ANKRD31: variants seen among roughly 807,000 people sequenced by gnomAD.
ANKRD31 encodes ankyrin repeat domain-containing protein 31.
ANKRD31 carries 147 observed loss-of-function variants against 186.0 expected under a neutral mutation model. That is an observed-to-expected ratio of 0.79 (90% confidence interval 0.69 to 0.91). ANKRD31 has a LOEUF of 0.91. ANKRD31 is among the 40% of genes least tolerant of loss of function. The pLI, the probability that ANKRD31 is intolerant of heterozygous loss-of-function variation, is 0.00. For missense variants in ANKRD31, 1,986 were observed against 2,148.8 expected (o/e 0.92, Z 1.50); for synonymous variants, 673 against 736.4 (o/e 0.91, Z 1.39).
At chr5:75,162,821 T>A (rs569488341) in intron 11 of ANKRD31, among the ~76,000 whole-genome samples, 5 of 152,322 alleles carry the variant, frequency 3.3e-5, no homozygotes, top group East Asian at 3.9e-4. Flanking sequence ...TCATTGCTAT[T>A]GGATGTTATT....
At chr5:75,166,138 T>C (rs1018223007) in intron 11 of ANKRD31, among the ~76,000 whole-genome samples, 1 of 152,192 alleles carries the variant, frequency 6.6e-6, no homozygotes, top group African/African-American at 2.4e-5. Flanking sequence ...TCCAGAGTTC[T>C]ACCACATAAT....
chr5:75,115,602 A>G (rs1471702175), intron 19 of ANKRD31, among the ~76,000 whole-genome samples: 2 of 152,160 alleles, frequency 1.3e-5, no homozygotes, highest in East Asian at 3.9e-4. Flanking sequence ...GGCAAAGGAC[A>G]TGAACAGACA....
chr5:75,126,593 G>T (rs1186318870), intron 17 of ANKRD31, among the ~76,000 whole-genome samples: 1 of 151,990 alleles, frequency 6.6e-6, no homozygotes, highest in African/African-American at 2.4e-5. Flanking sequence ...TTTTTCTTAG[G>T]TAAAAAAACA....
intron 11 of ANKRD31, among the ~76,000 whole-genome samples, chr5:75,162,916 T>G (rs970101747): frequency 6.6e-6 from 1 of 152,222 alleles, no homozygotes; most frequent in East Asian, 1.9e-4. Flanking sequence ...ATTTCCAACT[T>G]CATTGTATAG....
chr5:75,222,403 C>T (rs1206411319), intron 2 of ANKRD31, 45 bp from the exon 3 acceptor site: 11 of 1,382,658 alleles, frequency 8.0e-6, no homozygotes, highest in Admixed American at 4.2e-5. Flanking sequence ...AGTTTTATTG[C>T]TCTGCTTTGA....
chr5:75,230,852 T>A (rs1387702986), intron 1 of ANKRD31, among the ~76,000 whole-genome samples: 4 of 152,238 alleles, frequency 2.6e-5, no homozygotes, highest in African/African-American at 9.6e-5. Context: ...TTTACAAATA[T>A]TCTGTTATTA....
chr5:75,197,521 C>T (rs1439300157), intron 6 of ANKRD31, among the ~76,000 whole-genome samples: 1 of 152,050 alleles, frequency 6.6e-6, no homozygotes, highest in Non-Finnish European at 1.5e-5. Flanking sequence ...CCTTTATGTA[C>T]TTTGTATATA....
chr5:75,174,095 C>A (rs946862599), intron 10 of ANKRD31, among the ~76,000 whole-genome samples: 1 of 152,294 alleles, frequency 6.6e-6, no homozygotes, highest in African/African-American at 2.4e-5. Context: ...ACCATCTGAT[C>A]TTTGACAAAC....
At chr5:75,135,031 C>A (rs1263615247) in intron 17 of ANKRD31, among the ~76,000 whole-genome samples, 1 of 152,096 alleles carries the variant, frequency 6.6e-6, no homozygotes, top group Non-Finnish European at 1.5e-5. Flanking sequence ...ATAATAAGAG[C>A]TATTTATGAC....
At position 75,193,293 on chromosome 5, in the gene ANKRD31, C is replaced by T; in HGVS notation, c.1298+18G>A. ...TCTATAGCATACCTGGAGATAAAGA[C>T]ATAATTTCATTGCATACCTGAAATT... On this transcript the variant is annotated intron_variant, in intron 8 of 25. Transcript: ENST00000506364. 1 of 1,533,088 alleles carries T rather than the reference C, an allele frequency of 6.5e-7. No individual in the cohort carries two copies. Among genetic ancestry groups the T allele is most frequent in the Non-Finnish European group, 8.7e-7 (1 of 1,145,004 alleles). 95.0% of individuals were successfully genotyped at this position (1,533,088 alleles called of 1,614,324 possible).
chr5:75,226,730 C>A (rs1757649686), intron 2 of ANKRD31, among the ~76,000 whole-genome samples: 1 of 152,142 alleles, frequency 6.6e-6, no homozygotes, highest in Non-Finnish European at 1.5e-5. Flanking sequence ...TCATCTGACT[C>A]CAGTTACAAA....
rs558141553 is a variant in ANKRD31 at position 75,152,870 on chromosome 5, T to C, written c.1852+1331A>G. On this transcript the variant is annotated intron_variant, in intron 12 of 25. Coordinates refer to ENST00000506364, the MANE Select transcript of ANKRD31 (RefSeq NM_001372053.1). The stretch of plus-strand genomic sequence containing the variant: ...TATAATGATTCTAAAAATATATGCA[T>C]AGATTTTTGTGAATCTATGGATATA... Among the ~76,000 whole-genome samples, 11 of 152,094 alleles carry C rather than the reference T, an allele frequency of 7.2e-5. No individual in the cohort carries two copies. In the South Asian group the frequency reaches 2.3e-3, roughly 32 times the overall value.
At chr5:75,118,459 T>C (rs1486178136) in intron 17 of ANKRD31, among the ~76,000 whole-genome samples, 162 bp from the exon 18 acceptor site, 1 of 152,198 alleles carries the variant, frequency 6.6e-6, no homozygotes, top group Non-Finnish European at 1.5e-5. Context: ...AATTGCAAAC[T>C]AATCCAATTT....
intron 1 of ANKRD31, among the ~76,000 whole-genome samples, chr5:75,235,818 T>A (rs775240837): frequency 9.2e-5 from 14 of 152,166 alleles, no homozygotes; most frequent in Non-Finnish European, 2.1e-4. Context: ...CTAAAGGCTG[T>A]CCCCCTTGTA....
At chr5:75,234,347 T>A (rs1758126423) in intron 1 of ANKRD31, among the ~76,000 whole-genome samples, 1 of 152,236 alleles carries the variant, frequency 6.6e-6, no homozygotes, top group Admixed American at 6.5e-5. Context: ...ATAGACAATA[T>A]ATTTATATGG....
At chr5:75,099,248 T>A (rs920770360) in intron 22 of ANKRD31, among the ~76,000 whole-genome samples, 1 of 152,226 alleles carries the variant, frequency 6.6e-6, no homozygotes, top group South Asian at 2.1e-4. Context: ...GATTTGCGTA[T>A]GTTGAACCAG....
chr5:75,109,494 A>T (rs1195311219), intron 20 of ANKRD31, among the ~76,000 whole-genome samples: 1 of 152,198 alleles, frequency 6.6e-6, no homozygotes, highest in African/African-American at 2.4e-5. Flanking sequence ...TTCAGCAGCA[A>T]GAGTAAGGGG....
chr5:75,086,065 T>G (rs1361785105), intron 23 of ANKRD31, among the ~76,000 whole-genome samples: 2 of 152,210 alleles, frequency 1.3e-5, no homozygotes, highest in Non-Finnish European at 2.9e-5. Flanking sequence ...AAACAACCAG[T>G]TATTGGAAAC....
intron 11 of ANKRD31, 64 bp from the exon 12 acceptor site, chr5:75,154,409 A>G (rs1752028641): frequency 7.4e-7 from 1 of 1,346,784 alleles, no homozygotes; most frequent in South Asian, 1.7e-5. Flanking sequence ...AATGTGTGCT[A>G]GCAGACTACT....
Sources: gnomAD v4.1 joint callset for allele counts (sites outside exome capture counted in the v4.1 genomes callset) on GRCh38, gnomAD v4.1.1 for gene constraint, MANE v1.5 for transcripts, NCBI Gene and HGNC (gene_info 2026-07-23, HGNC 2026-07-21) for gene names.